Variants in SEZ6 observed in about 807,000 individuals in gnomAD.
SEZ6 encodes seizure related 6 homolog.
SEZ6 carries 53 observed loss-of-function variants against 101.0 expected under a neutral mutation model. The ratio of observed to expected loss-of-function variants is 0.52; its 90% CI spans 0.42 to 0.66. The LOEUF (loss-of-function observed/expected upper bound fraction) is 0.66, where lower values mean the gene tolerates loss of function less well. Ranked by LOEUF, SEZ6 falls within the 30% of genes least tolerant of loss-of-function variation. The pLI, the probability that SEZ6 is intolerant of heterozygous loss-of-function variation, is 0.00. For synonymous variants in SEZ6, 488 were observed against 512.2 expected (o/e 0.95, Z 0.64); for missense variants, 1,102 against 1,289.4 (o/e 0.85, Z 2.23).
chr17:28,965,143 G>C (rs1348753644), intron 4 of SEZ6, among the ~76,000 whole-genome samples: 1 of 152,032 alleles, frequency 6.6e-6, no homozygotes, highest in African/African-American at 2.4e-5. Context: ...CCTGAGGTCA[G>C]GAGGTCGAGA....
chr17:29,004,631 C>A (rs1016427382), intron 1 of SEZ6, among the ~76,000 whole-genome samples: 55 of 152,304 alleles, frequency 3.6e-4, no homozygotes, highest in African/African-American at 1.3e-3. Context: ...ACCTCGGCAG[C>A]GGCCTGGAAA....
chr17:28,956,274 GA>G lies in SEZ6; in HGVS notation c.2850-14del, dbSNP rs1224728298. 9.4e-6 allele frequency: 15 copies of G among 1,595,686 alleles called. 1 individual carries two copies. In the East Asian group the frequency reaches 3.2e-4, roughly 34 times the overall value. The stretch of plus-strand genomic sequence containing the variant: ...TTTTCCCTGGAGCCTGTGGGGCAGA[GA>G]AGCCTGCAAGTCAGGAGCACTGGGT... On this transcript the variant is annotated splice_polypyrimidine_tract_variant and intron_variant, in intron 15 of 16. Transcript: ENST00000317338.
chr17:28,969,590 G>C (rs866983520), intron 4 of SEZ6, among the ~76,000 whole-genome samples, 167 bp downstream of exon 4: 1 of 152,168 alleles, frequency 6.6e-6, no homozygotes, highest in South Asian at 2.1e-4. Context: ...TTTCAGATAC[G>C]CGATACTTAC....
rs1421235083 is a variant in SEZ6 at position 28,960,967 on chromosome 17, C to T, written c.1247G>A (p.Cys416Tyr). The T allele has an allele frequency of 1.2e-6, 2 of 1,612,890 alleles. No individual in the cohort carries two copies. The highest frequency in any genetic ancestry group is 2.2e-5 in the South Asian group (2 of 91,034). Residue 416 changes from cysteine (C) to tyrosine (Y), a missense_variant, in exon 6 of 17, where the codon TGC (cysteine) becomes TAC (tyrosine). By Grantham distance (194) the Cys-to-Tyr change is radical (BLOSUM62 -2). Transcript: ENST00000317338. ...DSKEPVCIAA[C>Y]GGVIRNATTG... ...GGTGGCATTGCGGATCACTCCGCCG[C>T]AAGCAGCTGTTAAGACCAGGACAGG...
In SEZ6 at chr17:28,964,030, C is replaced by T; in HGVS notation, c.1172G>A (p.Gly391Asp). The change falls in exon 5 of 17, where the codon GGC becomes GAC. Residue 391 changes from glycine to aspartate, a missense_variant. Gly to Asp is a moderately conservative substitution (Grantham distance 94). Coordinates refer to ENST00000317338, the MANE Select transcript of SEZ6 (RefSeq NM_178860.5). ...ATTGAGACAGGTGAGATGCCTGGCGCCCTTCAGCTGGTAGCCAGTGGCACA... is the reference window on the plus strand; with the variant it reads ...ATTGAGACAGGTGAGATGCCTGGCGTCCTTCAGCTGGTAGCCAGTGGCACA... ...FHCATGYQLK[G>D]ARHLTCLNAT... The T allele has an allele frequency of 6.2e-7, 1 of 1,611,594 alleles. No individual in the cohort carries two copies. The highest frequency in any genetic ancestry group is 8.5e-7 in the Non-Finnish European group (1 of 1,178,952).
Position 28,969,745 on chromosome 17 carries a change from C to A in SEZ6, c.1054+12G>T. Reference sequence around the variant, plus strand: ...TCTGGGCTGGTTCCACCTTCAACTACCCAGGCCTTACCTTGGTAATGGAAA... The same window carrying A: ...TCTGGGCTGGTTCCACCTTCAACTAACCAGGCCTTACCTTGGTAATGGAAA... On this transcript the variant is annotated intron_variant, in intron 4 of 16. Transcript: ENST00000317338. 2 of 1,475,138 alleles carry A rather than the reference C, an allele frequency of 1.4e-6. No homozygotes were observed. Among genetic ancestry groups the A allele is most frequent in the South Asian group, 2.9e-5 (2 of 68,534 alleles). The allele number at this position is 1,475,138 out of a possible 1,614,324, so 91.4% of individuals were successfully genotyped here.
chr17:28,994,905 A>C (rs369294408), intron 1 of SEZ6, among the ~76,000 whole-genome samples: 5 of 150,432 alleles, frequency 3.3e-5, no homozygotes, highest in Non-Finnish European at 7.4e-5. Flanking sequence ...ACAGAGTCTC[A>C]CTCTGTCGCC....
chr17:28,965,329 G>A (rs958989508), intron 4 of SEZ6, among the ~76,000 whole-genome samples: 2 of 152,194 alleles, frequency 1.3e-5, no homozygotes, highest in African/African-American at 4.8e-5. Context: ...TCCAGCCTAG[G>A]GGACGAGAGC....
At chr17:28,999,724 G>A (rs929440413) in intron 1 of SEZ6, among the ~76,000 whole-genome samples, 2 of 152,262 alleles carry the variant, frequency 1.3e-5, no homozygotes, top group South Asian at 2.1e-4. Context: ...CTCAGTGGAG[G>A]CTGAAGGGGA....
chr17:28,971,598 CA>C (rs369925828), intron 3 of SEZ6, among the ~76,000 whole-genome samples: 1,760 of 140,680 alleles, frequency 0.013, 25 homozygotes, highest in African/African-American at 0.038. Context: ...CATTTCAAAA[CA>C]AAAAAAAAAA....
chr17:28,998,393 T>A (rs1451793963), intron 1 of SEZ6, among the ~76,000 whole-genome samples: 1 of 150,832 alleles, frequency 6.6e-6, no homozygotes, highest in Non-Finnish European at 1.5e-5. Flanking sequence ...TGCCACAGTA[T>A]CAAGGTTCTG....
Position 28,956,336 on chromosome 17 carries a change from G to C in SEZ6, c.2849+14C>G. 1.3e-6 allele frequency: 2 copies of C among 1,574,486 alleles called. No individual in the cohort carries two copies. Among genetic ancestry groups the C allele is most frequent in the South Asian group, 2.3e-5 (2 of 86,016 alleles). On this transcript the variant is annotated intron_variant, in intron 15 of 16. Transcript: ENST00000317338. ...TATGCAGGTATGCAGAGCAGAAAGA[G>C]AAGCCAGACTCACCTGGAGAAGTAG...
At chr17:28,980,631 G>A (rs2041287482) in intron 2 of SEZ6, among the ~76,000 whole-genome samples, 1 of 152,008 alleles carries the variant, frequency 6.6e-6, no homozygotes, top group African/African-American at 2.4e-5. Flanking sequence ...GCCTCCCAAA[G>A]TGCTGGGATT....
At chr17:28,971,701 G>A (rs1305792140) in intron 3 of SEZ6, among the ~76,000 whole-genome samples, 1 of 152,194 alleles carries the variant, frequency 6.6e-6, no homozygotes, top group Non-Finnish European at 1.5e-5. Flanking sequence ...ATGGGCTCAA[G>A]GTTCCTACCA....
chr17:28,995,165 G>A (rs558367208), intron 1 of SEZ6, among the ~76,000 whole-genome samples: 4 of 152,290 alleles, frequency 2.6e-5, no homozygotes, highest in South Asian at 2.1e-4. Flanking sequence ...GAGCCACCGC[G>A]CCCGGCCGAC....
At chr17:28,974,637 C>G (rs1317182146) in intron 3 of SEZ6, among the ~76,000 whole-genome samples, 8 of 152,132 alleles carry the variant, frequency 5.3e-5, no homozygotes, top group Non-Finnish European at 7.4e-5. Context: ...ACAGTGAGTC[C>G]AAGACAAAGC....
intron 4 of SEZ6, among the ~76,000 whole-genome samples, chr17:28,968,739 C>T (rs558467454): frequency 6.6e-6 from 1 of 152,206 alleles, no homozygotes; most frequent in Non-Finnish European, 1.5e-5. Flanking sequence ...TTCTGCCCGG[C>T]TGTGGTCCCC....
In SEZ6 at chr17:29,005,603, G is replaced by T. The variant is rs1234652002; in HGVS notation, c.55+212C>A. On this transcript the variant is annotated intron_variant, in intron 1 of 16. Coordinates refer to ENST00000317338, the MANE Select transcript of SEZ6 (RefSeq NM_178860.5). The surrounding 1 kb of genome is among the most constrained non-coding windows in gnomAD (Gnocchi z 4.8). ...GGGAGATGATTAAAGACGAGGTCTC[G>T]GCCGGGCGCGAATGGCGGGAGCCGC... is the stretch of plus-strand genomic sequence containing the variant. 6.6e-6 allele frequency among the ~76,000 whole-genome samples: 1 copy of T among 151,790 alleles called. No homozygotes were observed. The highest frequency in any genetic ancestry group is 2.4e-5 in the African/African-American group (1 of 41,400).
intron 4 of SEZ6, among the ~76,000 whole-genome samples, chr17:28,964,734 T>C (rs1446702083): frequency 6.6e-6 from 1 of 152,236 alleles, no homozygotes; most frequent in Non-Finnish European, 1.5e-5. Flanking sequence ...GCTAAAAAGC[T>C]TGATGCCAAT....
Sources: allele counts gnomAD v4.1 joint callset (sites outside exome capture counted in the v4.1 genomes callset), GRCh38; gene constraint gnomAD v4.1.1; non-coding constraint Gnocchi (gnomAD v3.1); transcripts MANE v1.5; gene names NCBI Gene and HGNC (gene_info 2026-07-23, HGNC 2026-07-21).